Variants in LMLN observed in about 807,000 individuals in gnomAD.
LMLN encodes the protein leishmanolysin like peptidase.
LMLN carries 70 observed loss-of-function variants against 92.3 expected under a neutral mutation model. That is an observed-to-expected ratio of 0.76 (90% CI 0.63 to 0.92). The LOEUF (loss-of-function observed/expected upper bound fraction) is 0.92, where lower values mean the gene tolerates loss of function less well. Ranked by LOEUF, LMLN falls within the 40% of genes least tolerant of loss-of-function variation. The probability of loss-of-function intolerance (pLI) is 0.00; values close to 1 mark genes in which losing one functional copy is unlikely to be tolerated. For synonymous variants in LMLN, 308 were observed against 296.2 expected (o/e 1.04, Z -0.41); for missense variants, 691 against 814.6 (o/e 0.85, Z 1.85).
At chr3:197,979,636 T>G (rs150057454) in intron 5 of LMLN, among the ~76,000 whole-genome samples, 10,158 of 152,124 alleles carry the variant, frequency 0.067, 410 homozygotes, top group African/African-American at 0.11. Flanking sequence ...GCCTATATGG[T>G]GAAACCCTGT....
chr3:198,038,733 T>G, exon 16 of LMLN: 1 of 1,237,512 alleles, frequency 8.1e-7, no homozygotes, highest in Non-Finnish European at 1.2e-6. Context: ...GCACAAAGTT[T>G]GAGTGAGTGC....
At chr3:197,993,735 C>T (rs1196996339) in intron 9 of LMLN, among the ~76,000 whole-genome samples, 3 of 151,988 alleles carry the variant, frequency 2.0e-5, no homozygotes, top group African/African-American at 7.2e-5. Context: ...GAAAAAAAAT[C>T]CTCAAGTTCA....
At chr3:198,020,865 C>T (rs930883891) in intron 12 of LMLN, among the ~76,000 whole-genome samples, 2 of 142,602 alleles carry the variant, frequency 1.4e-5, no homozygotes, top group African/African-American at 2.6e-5. Context: ...TCAGGTGATC[C>T]GCCCACCTCA....
intron 5 of LMLN, among the ~76,000 whole-genome samples, chr3:197,978,407 A>G (rs2109862391): frequency 6.6e-6 from 1 of 152,274 alleles, no homozygotes; most frequent in East Asian, 1.9e-4. Context: ...AGGCCAAGGC[A>G]GGCAGATTGC....
At chr3:197,961,324 A>G (rs1456705007) in intron 1 of LMLN, among the ~76,000 whole-genome samples, 1 of 152,162 alleles carries the variant, frequency 6.6e-6, no homozygotes, top group Non-Finnish European at 1.5e-5. Flanking sequence ...TGAGAAAGGG[A>G]GAGTACCTGG....
chr3:197,965,639 G>A (rs952100886), intron 1 of LMLN, among the ~76,000 whole-genome samples: 1 of 152,272 alleles, frequency 6.6e-6, no homozygotes, highest in East Asian at 1.9e-4. Context: ...TATTGGCCAA[G>A]TACAGTCACT....
intron 10 of LMLN, among the ~76,000 whole-genome samples, chr3:197,997,020 C>A (rs1354036587): frequency 4.3e-5 from 6 of 139,846 alleles, no homozygotes; most frequent in Admixed American, 6.9e-5. Context: ...CTTTTCCTTT[C>A]TTTTCTTTTC....
At chr3:197,990,282 C>G (rs1721829106) in intron 8 of LMLN, among the ~76,000 whole-genome samples, 1 of 151,500 alleles carries the variant, frequency 6.6e-6, no homozygotes, top group Non-Finnish European at 1.5e-5. Context: ...AGGCTGGTAT[C>G]AAACTCCTGG....
intron 14 of LMLN, among the ~76,000 whole-genome samples, chr3:198,029,274 C>G (rs1723015190): frequency 6.6e-6 from 1 of 152,192 alleles, no homozygotes; most frequent in Admixed American, 6.5e-5. Context: ...ACTAATTTCC[C>G]TCCTCTCATC....
chr3:197,983,504 A>T (rs762985428), intron 6 of LMLN, among the ~76,000 whole-genome samples: 3 of 152,176 alleles, frequency 2.0e-5, no homozygotes, highest in Non-Finnish European at 4.4e-5. Context: ...AATAGCAAAC[A>T]GATAAGAAGG....
chr3:197,982,211 A>G (rs567802133), intron 6 of LMLN, among the ~76,000 whole-genome samples: 2 of 150,260 alleles, frequency 1.3e-5, no homozygotes, highest in Non-Finnish European at 2.9e-5. Flanking sequence ...TAAAAGAAAA[A>G]GCAGTTACCT....
chr3:198,032,626 G>A (rs1020761282), intron 14 of LMLN, among the ~76,000 whole-genome samples: 3 of 152,124 alleles, frequency 2.0e-5, no homozygotes, highest in Admixed American at 6.5e-5. Context: ...GTGGGGGCAG[G>A]CTTATCACAT....
Position 198,015,397 on chromosome 3 carries a change from A to T in LMLN, c.1233-3856A>T, listed in dbSNP as rs1722602905. On this transcript the variant is annotated intron_variant, in intron 11 of 15. Transcript: ENST00000330198. ...AGTCTGACTTCTCTCCACCCTTCAGAGCCCCCTAACTAGTCTGACTTCTCT... is the reference window on the plus strand; with the variant it reads ...AGTCTGACTTCTCTCCACCCTTCAGTGCCCCCTAACTAGTCTGACTTCTCT... Among the ~76,000 whole-genome samples, 3 of 100,178 alleles carry T rather than the reference A, an allele frequency of 3.0e-5. No individual in the cohort carries two copies. The South Asian group carries it at 1.2e-3, about 41-fold the overall frequency. 65.7% of individuals were successfully genotyped at this position (100,178 alleles called of 152,430 possible). A position where few individuals can be genotyped will look rare whatever the true frequency, so the allele number is the denominator to read the frequency against.
chr3:197,986,559 GA>G (rs1039916645), intron 8 of LMLN, among the ~76,000 whole-genome samples: 1 of 152,190 alleles, frequency 6.6e-6, no homozygotes, highest in Non-Finnish European at 1.5e-5. Context: ...TGTATTTGGG[GA>G]AACTGTTAAT....
At chr3:198,021,386 T>C (rs1722778231) in intron 12 of LMLN, 60 bp from the exon 14 acceptor site, 5 of 1,525,926 alleles carry the variant, frequency 3.3e-6, no homozygotes, top group Non-Finnish European at 4.5e-6. Context: ...GCCTGTGCAC[T>C]TCCTCAATTT....
Position 197,980,488 on chromosome 3 carries a change from GA to G in LMLN, c.714del (p.Ala239GlnfsTer7). ...CTCTTATGCAGCCTATTGTCAGCAG[GA>G]AGCAAACATGGACAGGTAATCTTTC... is the stretch of plus-strand genomic sequence containing the variant. On this transcript the variant is annotated frameshift_variant, in exon 6 of 16. Transcript: ENST00000330198. LOFTEE classifies it high-confidence loss of function. The G allele has an allele frequency of 1.2e-6, 2 of 1,613,568 alleles. No homozygotes were observed. The highest frequency in any genetic ancestry group is 1.7e-6 in the Non-Finnish European group (2 of 1,179,802).
At chr3:197,976,647 T>G in exon 5 of LMLN, 1 of 1,601,204 alleles carries the variant, frequency 6.2e-7, no homozygotes, top group Non-Finnish European at 8.5e-7. Flanking sequence ...TCCTCACAGG[T>G]ACTGCACCGG....
intron 5 of LMLN, among the ~76,000 whole-genome samples, chr3:197,977,383 G>A (rs1013199962): frequency 1.3e-5 from 2 of 151,702 alleles, no homozygotes; most frequent in African/African-American, 4.8e-5. Flanking sequence ...GTTAAATCTG[G>A]GTACATATAA....
chr3:198,021,210 A>G (rs1181962550), intron 12 of LMLN, among the ~76,000 whole-genome samples: 1 of 152,154 alleles, frequency 6.6e-6, no homozygotes, highest in Non-Finnish European at 1.5e-5. Context: ...TAACATTATG[A>G]TATATAACTT....
Sources: allele counts gnomAD v4.1 joint callset (sites outside exome capture counted in the v4.1 genomes callset), GRCh38; gene constraint gnomAD v4.1.1; transcripts MANE v1.5; gene names NCBI Gene and HGNC (gene_info 2026-07-23, HGNC 2026-07-21).